ALDH5A1: variants seen among roughly 807,000 people sequenced by gnomAD.
ALDH5A1 encodes the protein succinate-semialdehyde dehydrogenase, mitochondrial.
A neutral mutation model predicts 54.7 loss-of-function variants in ALDH5A1; 33 were observed. The ratio of observed to expected loss-of-function variants is 0.60; its 90% CI spans 0.46 to 0.81. The LOEUF is 0.81. Ranked by LOEUF, ALDH5A1 falls within the 30% of genes least tolerant of loss-of-function variation. ALDH5A1 has a pLI of 0.00. For synonymous variants in ALDH5A1, 294 were observed against 292.7 expected (o/e 1.00, Z -0.05); for missense variants, 657 against 711.0 (o/e 0.92, Z 0.86).
At chr6:24,526,043 T>C (rs1759792196) in intron 7 of ALDH5A1, among the ~76,000 whole-genome samples, 1 of 152,160 alleles carries the variant, frequency 6.6e-6, no homozygotes, top group African/African-American at 2.4e-5. Context: ...CGACTTTGCC[T>C]TTTGGGGAAG....
chr6:24,532,912 T>G lies in ALDH5A1; in HGVS notation c.1403-595T>G, dbSNP rs182185822. On this transcript the variant is annotated intron_variant, in intron 9 of 9. Transcript: ENST00000357578. ...ACTGAGTTCAGCATTTGTCTCTTCCTTCTCGATGGGGTGATGGTGGAGGAA... is the reference window on the plus strand; with the variant it reads ...ACTGAGTTCAGCATTTGTCTCTTCCGTCTCGATGGGGTGATGGTGGAGGAA... Among the ~76,000 whole-genome samples, 127 of 152,272 alleles carry G rather than the reference T, an allele frequency of 8.3e-4. 1 individual carries two copies. Among genetic ancestry groups the G allele is most frequent in the Admixed American group, 6.7e-3 (102 of 15,294 alleles).
chr6:24,503,551 G>T lies in ALDH5A1; in HGVS notation c.609+118G>T. The T allele has an allele frequency of 2.5e-6, 3 of 1,206,568 alleles. No homozygotes were observed. In the South Asian group the frequency reaches 4.1e-5, roughly 16 times the overall value. 74.7% of individuals were successfully genotyped at this position (1,206,568 alleles called of 1,614,324 possible). A position where few individuals can be genotyped will look rare whatever the true frequency, so the allele number is the denominator to read the frequency against. ...CTGTTAGTTTTGTCACCTGTTCCTG[G>T]TTTCCTGATGCTTTTGCTGGATGTG... On this transcript the variant is annotated intron_variant, in intron 3 of 9. Coordinates refer to ENST00000357578, the MANE Select transcript of ALDH5A1 (RefSeq NM_001080.3).
In ALDH5A1 at chr6:24,536,527, C is replaced by T. The variant is rs1448481303; in HGVS notation, c.*2815C>T. 1 of 152,204 alleles carries T rather than the reference C, an allele frequency of 6.6e-6. No homozygotes were observed. Among genetic ancestry groups the T allele is most frequent in the African/African-American group, 2.4e-5 (1 of 41,446 alleles). The allele number at this position is 152,204 out of a possible 1,614,324, so 9.4% of individuals were successfully genotyped here. ...CCTTAAAGAAAAAGTTTGCCAGCTC[C>T]TGATCTAGACCAAGAGGGAGATATT... On this transcript the variant is annotated 3_prime_UTR_variant, in exon 10 of 10. Coordinates refer to ENST00000357578, the MANE Select transcript of ALDH5A1 (RefSeq NM_001080.3).
At chr6:24,526,967 TGTGTG>T (rs1290518498) in intron 7 of ALDH5A1, among the ~76,000 whole-genome samples, 5 of 7,160 alleles carry the variant, frequency 7.0e-4, no homozygotes, top group Admixed American at 1.0e-3. Flanking sequence ...TATATATATG[TGTGTG>T]TGTATATATA....
At chr6:24,505,284 ACTT>A (rs1389172745) in intron 4 of ALDH5A1, among the ~76,000 whole-genome samples, 2 of 152,182 alleles carry the variant, frequency 1.3e-5, no homozygotes, top group African/African-American at 4.8e-5. Context: ...CATTTAGGAA[ACTT>A]CTTATTTCCC....
At chr6:24,520,684 C>A in intron 6 of ALDH5A1, 140 bp downstream of exon 6, 2 of 1,293,108 alleles carry the variant, frequency 1.5e-6, no homozygotes, top group Non-Finnish European at 1.1e-6. Context: ...ACCACCTCTA[C>A]TGCCTTATAT....
chr6:24,497,323 GTTTTACAGAGCGCTGATTGGTGCA>G (rs1320013268), intron 1 of ALDH5A1, among the ~76,000 whole-genome samples: 2 of 149,388 alleles, frequency 1.3e-5, no homozygotes, highest in East Asian at 1.9e-4. Context: ...TGATTGGTGC[GTTTTACAGAGCGCTGATTGGTGCA>G]TTTTACAGAG....
chr6:24,522,758 C>T lies in ALDH5A1; in HGVS notation c.1015-9C>T. The T allele has an allele frequency of 6.2e-7, 1 of 1,613,574 alleles. No individual in the cohort carries two copies. Among genetic ancestry groups the T allele is most frequent in the South Asian group, 1.1e-5 (1 of 91,002 alleles). On this transcript the variant is annotated splice_polypyrimidine_tract_variant and intron_variant, in intron 6 of 9. Transcript: ENST00000357578. ...AGACTGTGTGGGTTTGTTTTTGTCTCCTGTCCAGACTTGTGTTTGCTCAAA... is the reference window on the plus strand; with the variant it reads ...AGACTGTGTGGGTTTGTTTTTGTCTTCTGTCCAGACTTGTGTTTGCTCAAA...
chr6:24,505,892 C>A (rs1759331379), intron 4 of ALDH5A1, among the ~76,000 whole-genome samples: 1 of 151,800 alleles, frequency 6.6e-6, no homozygotes, highest in Admixed American at 6.6e-5. Flanking sequence ...CGCTTGAACC[C>A]TGGGGGCGGA....
rs70974913 is a variant in ALDH5A1 at position 24,506,243 on chromosome 6, C to CTTTTTTTTT, written c.726+1280_726+1288dup. On this transcript the variant is annotated intron_variant, in intron 4 of 9. Coordinates refer to ENST00000357578, the MANE Select transcript of ALDH5A1 (RefSeq NM_001080.3). Reference sequence around the variant, plus strand: ...TCTGCACCTCCTTCTTTCCTGGTTCCTTTTTTTTTTTTTTTTTTTTTTTTT... The same window carrying CTTTTTTTTT: ...TCTGCACCTCCTTCTTTCCTGGTTCCTTTTTTTTTTTTTTTTTTTTTTTTTTTTTTTTTT... Among the ~76,000 whole-genome samples the CTTTTTTTTT allele has an allele frequency of 1.1e-3, 55 of 52,158 alleles. 10 individuals are homozygous for CTTTTTTTTT. Among genetic ancestry groups the CTTTTTTTTT allele is most frequent in the South Asian group, 3.2e-3 (3 of 924 alleles). 34.2% of individuals were successfully genotyped at this position (52,158 alleles called of 152,430 possible).
rs1482563283 is a variant in ALDH5A1 at position 24,508,386 on chromosome 6, AAAGAT to A, written c.726+3402_726+3406del. ...CAAAAAAAAAAAAAAAAAAAAAAAA[AAAGAT>A]TAATAGTCTCTAATCCTCTAATCTC... On this transcript the variant is annotated intron_variant, in intron 4 of 9. Transcript: ENST00000357578. Among the ~76,000 whole-genome samples the A allele has an allele frequency of 1.1e-4, 6 of 52,410 alleles. 1 individual carries two copies. Among genetic ancestry groups the A allele is most frequent in the Non-Finnish European group, 2.9e-4 (5 of 17,542 alleles). 34.4% of individuals were successfully genotyped at this position (52,410 alleles called of 152,430 possible). A position where few individuals can be genotyped will look rare whatever the true frequency, so the allele number is the denominator to read the frequency against.
At chr6:24,529,575 G>A (rs1759888011) in intron 8 of ALDH5A1, among the ~76,000 whole-genome samples, 1 of 150,068 alleles carries the variant, frequency 6.7e-6, no homozygotes, top group African/African-American at 2.5e-5. Flanking sequence ...CTTGATCTTT[G>A]ATGTTCTTAA....
At chr6:24,516,393 A>T (rs1232492601) in intron 5 of ALDH5A1, among the ~76,000 whole-genome samples, 1 of 143,396 alleles carries the variant, frequency 7.0e-6, no homozygotes, top group Non-Finnish European at 1.5e-5. Context: ...GTGAGCCGAG[A>T]TCACACCACT....
At chr6:24,519,006 A>G (rs376399679) in intron 5 of ALDH5A1, among the ~76,000 whole-genome samples, 1 of 152,194 alleles carries the variant, frequency 6.6e-6, no homozygotes, top group South Asian at 2.1e-4. Flanking sequence ...TATAATAGCT[A>G]TAGGTACCAA....
chr6:24,505,085 T>TAA, intron 4 of ALDH5A1, 100 bp downstream of exon 4: 16 of 1,208,274 alleles, frequency 1.3e-5, no homozygotes, highest in Non-Finnish European at 2.0e-5. Flanking sequence ...CTTCTTTGCT[T>TAA]ACGCCTCCTG....
chr6:24,524,645 T>TA (rs1387196442), intron 7 of ALDH5A1, among the ~76,000 whole-genome samples: 8 of 152,200 alleles, frequency 5.3e-5, no homozygotes, highest in African/African-American at 1.9e-4. Flanking sequence ...GTCTTGGGAT[T>TA]ACTCTAGATA....
chr6:24,495,168 C>T lies in ALDH5A1; in HGVS notation c.172C>T (p.Leu58=). The T allele has an allele frequency of 1.3e-6, 2 of 1,484,162 alleles. No homozygotes were observed. Among genetic ancestry groups the T allele is most frequent in the South Asian group, 1.3e-5 (1 of 78,508 alleles). The allele number at this position is 1,484,162 out of a possible 1,614,324, so 91.9% of individuals were successfully genotyped here. Residue 58 remains leucine (L), a synonymous_variant, in exon 1 of 10, where the codon CTG becomes TTG. Transcript: ENST00000357578. ...AGRLAGLSAA[L]LRTDSFVGGR... ...GCGCCTGGCGGGCCTCTCTGCGGCGCTGCTGCGCACCGACAGCTTCGTGGG... is the reference window on the plus strand; with the variant it reads ...GCGCCTGGCGGGCCTCTCTGCGGCGTTGCTGCGCACCGACAGCTTCGTGGG...
At chr6:24,506,542 C>T (rs2817222) in intron 4 of ALDH5A1, among the ~76,000 whole-genome samples, 37,433 of 151,920 alleles carry the variant, frequency 0.25, 4,811 homozygotes, top group African/African-American at 0.27. Context: ...TGAGCCACCA[C>T]GCTCGGCCTC....
intron 1 of ALDH5A1, among the ~76,000 whole-genome samples, chr6:24,500,187 GCATAA>G (rs1468854544): frequency 1.3e-5 from 2 of 152,126 alleles, no homozygotes; most frequent in African/African-American, 2.4e-5. Flanking sequence ...GGCAAAATAT[GCATAA>G]CATAACATTT....
Sources: allele counts gnomAD v4.1 joint callset (sites outside exome capture counted in the v4.1 genomes callset), GRCh38; gene constraint gnomAD v4.1.1; transcripts MANE v1.5; gene names NCBI Gene and HGNC (gene_info 2026-07-23, HGNC 2026-07-21).